Variants in ZBBX observed in about 807,000 individuals in gnomAD.
ZBBX encodes the protein zinc finger B-box domain-containing protein 1.
ZBBX carries 101 observed loss-of-function variants against 108.5 expected under a neutral mutation model. That is an observed-to-expected ratio of 0.93 (90% CI 0.79 to 1.10). The LOEUF (loss-of-function observed/expected upper bound fraction) is 1.10. Ranked by LOEUF, ZBBX falls within the 50% of genes least tolerant of loss-of-function variation. The pLI is 0.00. For missense variants in ZBBX, 1,009 were observed against 941.4 expected, an observed-to-expected ratio of 1.07 and a Z score of -0.94; for synonymous variants, 356 against 323.4, an observed-to-expected ratio of 1.10 and a Z score of -1.08.
chr3:167,309,947 A>G (rs576389075), intron 16 of ZBBX, among the ~76,000 whole-genome samples: 1 of 152,204 alleles, frequency 6.6e-6, no homozygotes, highest in African/African-American at 2.4e-5. Flanking sequence ...TTTAAACATA[A>G]TTTCCAGTTT....
chr3:167,187,549 T>C, the ZBBX span, among the ~76,000 whole-genome samples: 1 of 152,200 alleles, frequency 6.6e-6, no homozygotes, highest in African/African-American at 2.4e-5. Flanking sequence ...TTCTTTTTAC[T>C]AGGAGTGACA....
chr3:167,179,412 C>G, the ZBBX span, among the ~76,000 whole-genome samples: 1 of 152,216 alleles, frequency 6.6e-6, no homozygotes, highest in Non-Finnish European at 1.5e-5. Context: ...ATTGCAGTAG[C>G]AACTAGGCCA....
At chr3:167,356,518 C>T (rs1011162251) in intron 8 of ZBBX, among the ~76,000 whole-genome samples, 1 of 151,988 alleles carries the variant, frequency 6.6e-6, no homozygotes, top group Admixed American at 6.6e-5. Flanking sequence ...TATACATAAC[C>T]ATTAAATTCT....
the ZBBX span, among the ~76,000 whole-genome samples, chr3:167,198,899 A>C: frequency 6.6e-6 from 1 of 152,194 alleles, no homozygotes; most frequent in Non-Finnish European, 1.5e-5. Context: ...ATTTGGTAAG[A>C]GTGCATGTGG....
chr3:167,227,820 C>T, the ZBBX span, among the ~76,000 whole-genome samples: 1 of 151,684 alleles, frequency 6.6e-6, no homozygotes, highest in African/African-American at 2.4e-5. Flanking sequence ...TGACTACATA[C>T]CCCTGATCTT....
chr3:167,323,238 A>T (rs112477164), intron 11 of ZBBX, among the ~76,000 whole-genome samples: 13 of 30,492 alleles, frequency 4.3e-4, no homozygotes, highest in African/African-American at 1.4e-3. Context: ...GAGCTAAAAG[A>T]GGGGGGGGGG....
At chr3:167,387,757 C>T (rs1577142938) in intron 1 of ZBBX, among the ~76,000 whole-genome samples, 1 of 151,854 alleles carries the variant, frequency 6.6e-6, no homozygotes, top group East Asian at 1.9e-4. Context: ...GGAAGCAAAG[C>T]TGAAGGGAAG....
At chr3:167,256,174 T>C (rs562564236) in intron 20 of ZBBX, among the ~76,000 whole-genome samples, 79 of 152,304 alleles carry the variant, frequency 5.2e-4, no homozygotes, top group South Asian at 1.5e-3. Context: ...CTTCATTATG[T>C]ATATGTACCA....
chr3:167,196,891 A>G, the ZBBX span, among the ~76,000 whole-genome samples: 2 of 152,198 alleles, frequency 1.3e-5, no homozygotes, highest in Non-Finnish European at 2.9e-5. Context: ...TCATTCAACA[A>G]AAAGAATCCC....
rs749688612 is a variant in ZBBX at position 167,328,052 on chromosome 3, C to A, written c.752G>T (p.Gly251Val). The A allele has an allele frequency of 3.1e-6, 5 of 1,613,766 alleles. No individual in the cohort carries two copies. The highest frequency in any genetic ancestry group is 3.4e-6 in the Non-Finnish European group (4 of 1,179,926). The change falls in exon 11 of 22, where the codon GGG becomes GTG. Residue 251 changes from glycine to valine, a missense_variant. Coordinates refer to ENST00000675490, the MANE Select transcript of ZBBX (RefSeq NM_001199201.2). The part of the protein sequence containing the change: ...TKPRKSLLCE[G>V]SFDEEASAQS... ...TGCAGAAGCTTCTTCATCGAATGAC[C>A]CTTCACACAACAGACTCTTTCTTGG...
chr3:167,391,211 T>C (rs1748076137), intron 1 of ZBBX, among the ~76,000 whole-genome samples: 1 of 152,152 alleles, frequency 6.6e-6, no homozygotes, highest in Non-Finnish European at 1.5e-5. Flanking sequence ...TTGAATTTTG[T>C]CGAAGGCCTT....
chr3:167,216,327 C>A, the ZBBX span, among the ~76,000 whole-genome samples: 1 of 151,988 alleles, frequency 6.6e-6, no homozygotes, highest in Non-Finnish European at 1.5e-5. Context: ...TTCCTATACA[C>A]CACCGACAAC....
At chr3:167,210,545 C>T in the ZBBX span, among the ~76,000 whole-genome samples, 1 of 151,974 alleles carries the variant, frequency 6.6e-6, no homozygotes, top group Non-Finnish European at 1.5e-5. Flanking sequence ...GATCAATGTT[C>T]AAGTATGAGA....
chr3:167,272,462 CTGAACTG>C (rs1409551105), intron 20 of ZBBX, among the ~76,000 whole-genome samples: 1 of 152,254 alleles, frequency 6.6e-6, no homozygotes, highest in African/African-American at 2.4e-5. Context: ...CTCCTGACCA[CTGAACTG>C]CAGTCCGGAC....
chr3:167,366,740 G>C (rs181878646), intron 5 of ZBBX: 1 of 433,622 alleles, frequency 2.3e-6, no homozygotes. Context: ...AGAATGTTAA[G>C]AATCATCTAG....
intron 20 of ZBBX, among the ~76,000 whole-genome samples, chr3:167,277,436 A>G (rs530577355): frequency 6.6e-6 from 1 of 152,292 alleles, no homozygotes; most frequent in East Asian, 1.9e-4. Flanking sequence ...AAAAAAAGGC[A>G]GGGATTGCAA....
intron 12 of ZBBX, among the ~76,000 whole-genome samples, chr3:167,318,835 C>T (rs1364582423): frequency 6.6e-6 from 1 of 151,814 alleles, no homozygotes; most frequent in Non-Finnish European, 1.5e-5. Flanking sequence ...AAAATATATA[C>T]AGCCTGGACA....
chr3:167,249,331 T>C (rs572933344), intron 20 of ZBBX, among the ~76,000 whole-genome samples: 23 of 152,284 alleles, frequency 1.5e-4, no homozygotes, highest in African/African-American at 5.5e-4. Context: ...CAGAGTAGGA[T>C]TGCCCTCCTG....
chr3:167,325,479 G>C (rs546069855), intron 11 of ZBBX, among the ~76,000 whole-genome samples: 1 of 152,078 alleles, frequency 6.6e-6, no homozygotes, highest in East Asian at 1.9e-4. Flanking sequence ...ACCTCTCGCC[G>C]GGGCCCTCCC....
Sources: allele counts gnomAD v4.1 joint callset (sites outside exome capture counted in the v4.1 genomes callset), GRCh38; gene constraint gnomAD v4.1.1; transcripts MANE v1.5; gene names NCBI Gene and HGNC (gene_info 2026-07-23, HGNC 2026-07-21).